MUSK: variants seen among roughly 807,000 people sequenced by gnomAD.
The protein encoded by MUSK is muscle associated receptor tyrosine kinase.
In MUSK, 55 loss-of-function variants were observed where a neutral mutation model predicts 88.7. That is an observed-to-expected ratio of 0.62 (90% CI 0.50 to 0.78). The LOEUF (loss-of-function observed/expected upper bound fraction) is 0.78. Ranked by LOEUF, MUSK falls within the 30% of genes least tolerant of loss-of-function variation. The pLI, the probability that MUSK is intolerant of heterozygous loss-of-function variation, is 0.00. For missense variants in MUSK, 1,015 were observed against 1,074.3 expected, an observed-to-expected ratio of 0.94 and a Z score of 0.77; for synonymous variants, 387 against 391.9, an observed-to-expected ratio of 0.99 and a Z score of 0.15.
At chr9:110,776,055 T>A in intron 10 of MUSK, 92 bp downstream of exon 10, 2 of 1,396,508 alleles carry the variant, frequency 1.4e-6, no homozygotes, top group African/African-American at 1.7e-5. Flanking sequence ...CTAATATTTC[T>A]AGGCATTTCT....
In MUSK at chr9:110,681,015, ATATATAT is replaced by A. The variant is rs1564209274; in HGVS notation, c.80-1638_80-1632del. On this transcript the variant is annotated intron_variant, in intron 1 of 14. Coordinates refer to ENST00000374448, the MANE Select transcript of MUSK (RefSeq NM_005592.4). ...CTTATAATATATTATATTATATATA[ATATATAT>A]TATATATTATATATTATATAATATA... Among the ~76,000 whole-genome samples, 33 of 24,488 alleles carry A rather than the reference ATATATAT, an allele frequency of 1.3e-3. 3 individuals are homozygous for A. Among genetic ancestry groups the A allele is most frequent in the South Asian group, 6.1e-3 (9 of 1,468 alleles). 16.1% of individuals were successfully genotyped at this position (24,488 alleles called of 152,430 possible).
intron 7 of MUSK, among the ~76,000 whole-genome samples, chr9:110,749,979 A>G (rs950584538): frequency 6.6e-6 from 1 of 152,120 alleles, no homozygotes; most frequent in Admixed American, 6.5e-5. Flanking sequence ...ATTATTTGAC[A>G]TTTGATCAAG....
intron 2 of MUSK, among the ~76,000 whole-genome samples, chr9:110,683,758 C>T (rs1039716723): frequency 1.3e-5 from 2 of 151,982 alleles, no homozygotes; most frequent in Admixed American, 6.6e-5. Flanking sequence ...TTTTCATATG[C>T]CTGTTTGCCA....
At chr9:110,741,125 T>G (rs2077092284) in intron 6 of MUSK, among the ~76,000 whole-genome samples, 1 of 152,066 alleles carries the variant, frequency 6.6e-6, no homozygotes, top group African/African-American at 2.4e-5. Context: ...AGAGGGTAGA[T>G]CCTAAGTGTT....
At chr9:110,785,477 A>T (rs781765747) in intron 12 of MUSK, 50 bp from the exon 13 acceptor site, 2 of 1,460,772 alleles carry the variant, frequency 1.4e-6, no homozygotes, top group South Asian at 3.0e-5. Context: ...AAGTACAAAG[A>T]TCTAACCTGC....
chr9:110,752,232 C>A (rs888861975), intron 7 of MUSK, among the ~76,000 whole-genome samples: 1 of 152,184 alleles, frequency 6.6e-6, no homozygotes, highest in African/African-American at 2.4e-5. Flanking sequence ...CTAGAAGCCC[C>A]ATGAAGGTCC....
Position 110,800,440 on chromosome 9 carries a change from C to G in MUSK, c.2062C>G (p.Gln688Glu). 1 of 1,613,882 alleles carries G rather than the reference C, an allele frequency of 6.2e-7. No homozygotes were observed. Among genetic ancestry groups the G allele is most frequent in the South Asian group, 1.1e-5 (1 of 91,074 alleles). ...TCACAGTGACTTGTCTATGAGGGCTCAGGTCTCCAGCCCTGGGCCCCCACC... is the reference window on the plus strand; with the variant it reads ...TCACAGTGACTTGTCTATGAGGGCTGAGGTCTCCAGCCCTGGGCCCCCACC... ...LSHSDLSMRA[Q>E]VSSPGPPPLS... is the part of the protein sequence containing the mutation. The change falls in exon 15 of 15, where the codon CAG (glutamine) becomes GAG (glutamate). Residue 688 changes from glutamine to glutamate, a missense_variant. Coordinates refer to ENST00000374448, the MANE Select transcript of MUSK (RefSeq NM_005592.4).
rs1491230886 is a variant in MUSK at position 110,681,022 on chromosome 9, TTA to T, written c.80-1646_80-1645del. Among the ~76,000 whole-genome samples the T allele has an allele frequency of 3.4e-3, 71 of 20,620 alleles. 5 individuals carry two copies. The highest frequency in any genetic ancestry group is 0.028 in the African/African-American group (66 of 2,364). 13.5% of individuals were successfully genotyped at this position (20,620 alleles called of 152,430 possible). Reference sequence around the variant, plus strand: ...TATATTATATTATATATAATATATATTATATATTATATATTATATAATATATA... The same window carrying T: ...TATATTATATTATATATAATATATATTATATTATATATTATATAATATATA... On this transcript the variant is annotated intron_variant, in intron 1 of 14. Transcript: ENST00000374448.
intron 9 of MUSK, among the ~76,000 whole-genome samples, chr9:110,771,095 C>A (rs2077565964): frequency 6.6e-6 from 1 of 151,296 alleles, no homozygotes; most frequent in Admixed American, 6.6e-5. Context: ...AACAATGTAA[C>A]CACTACCCCA....
chr9:110,772,279 G>T (rs2077588058), intron 9 of MUSK, among the ~76,000 whole-genome samples: 1 of 151,510 alleles, frequency 6.6e-6, no homozygotes, highest in African/African-American at 2.4e-5. Flanking sequence ...AGCCACAGAT[G>T]TTCTTTCTAA....
At chr9:110,689,984 A>C (rs1394986776) in intron 3 of MUSK, among the ~76,000 whole-genome samples, 2 of 46,648 alleles carry the variant, frequency 4.3e-5, no homozygotes, top group Non-Finnish European at 7.1e-5. Context: ...TATTATAAAT[A>C]TTATAATTAT....
intron 5 of MUSK, among the ~76,000 whole-genome samples, chr9:110,716,143 G>A (rs901255867): frequency 1.6e-4 from 24 of 148,420 alleles, no homozygotes; most frequent in Admixed American, 6.6e-4. Context: ...GAAGTTGGGG[G>A]AAAAAAAAGA....
Position 110,682,817 on chromosome 9 carries a change from T to A in MUSK, c.206+17T>A. On this transcript the variant is annotated intron_variant, in intron 2 of 14. Transcript: ENST00000374448. ...TCTCATTAAGTAAGTATTCCACATTTTAATTTTTTTAAATTTTTGTGGGTA... is the reference window on the plus strand; with the variant it reads ...TCTCATTAAGTAAGTATTCCACATTATAATTTTTTTAAATTTTTGTGGGTA... 2 of 1,595,322 alleles carry A rather than the reference T, an allele frequency of 1.3e-6. No individual in the cohort carries two copies.
chr9:110,722,486 T>C (rs2076826403), intron 5 of MUSK, among the ~76,000 whole-genome samples: 2 of 150,714 alleles, frequency 1.3e-5, no homozygotes, highest in African/African-American at 4.9e-5. Flanking sequence ...TCCTAGATAG[T>C]GCAACTGCAC....
At chr9:110,687,748 C>T (rs1203722318) in intron 3 of MUSK, among the ~76,000 whole-genome samples, 1 of 152,062 alleles carries the variant, frequency 6.6e-6, no homozygotes, top group African/African-American at 2.4e-5. Context: ...AATCCCACAC[C>T]TCTTATGCCT....
At chr9:110,683,389 A>G (rs946303669) in intron 2 of MUSK, among the ~76,000 whole-genome samples, 3 of 152,138 alleles carry the variant, frequency 2.0e-5, no homozygotes, top group African/African-American at 7.2e-5. Flanking sequence ...GTTAATGAAC[A>G]CATAGGTTGC....
chr9:110,733,325 G>A (rs1253748045), intron 5 of MUSK, among the ~76,000 whole-genome samples: 2 of 152,038 alleles, frequency 1.3e-5, no homozygotes, highest in African/African-American at 2.4e-5. Flanking sequence ...CAAAGATTTG[G>A]TTTTCACTGC....
chr9:110,755,941 TATATATATACAC>T (rs1356393037), intron 7 of MUSK, among the ~76,000 whole-genome samples: 13 of 76,538 alleles, frequency 1.7e-4, no homozygotes, highest in Non-Finnish European at 2.3e-4. Flanking sequence ...TACATATATA[TATATATATACAC>T]ATATATATAT....
intron 1 of MUSK, among the ~76,000 whole-genome samples, chr9:110,677,637 T>C (rs1341153133): frequency 6.6e-6 from 1 of 152,230 alleles, no homozygotes; most frequent in East Asian, 1.9e-4. Flanking sequence ...CCGTTTCCTC[T>C]GCCTGGAACA....
Sources: gnomAD v4.1 joint callset for allele counts (sites outside exome capture counted in the v4.1 genomes callset) on GRCh38, gnomAD v4.1.1 for gene constraint, MANE v1.5 for transcripts, NCBI Gene and HGNC (gene_info 2026-07-23, HGNC 2026-07-21) for gene names.